The following ADGRF3 variants were observed in gnomAD, a reference collection of about 807,000 sequenced individuals.
ADGRF3 encodes adhesion G protein-coupled receptor F3.
A neutral mutation model predicts 93.2 loss-of-function variants in ADGRF3; 85 were observed. That is an observed-to-expected ratio of 0.91 (90% CI 0.77 to 1.09). ADGRF3 has a LOEUF of 1.09. Ranked by LOEUF, ADGRF3 falls within the 50% of genes least tolerant of loss-of-function variation. The pLI is 0.00. For synonymous variants in ADGRF3, 534 were observed against 532.5 expected (o/e 1.00, Z -0.04); for missense variants, 1,125 against 1,246.2 (o/e 0.90, Z 1.46).
chr2:26,310,084 G>T lies in ADGRF3; in HGVS notation c.2896C>A (p.Arg966Ser), dbSNP rs760101320. The T allele has an allele frequency of 1.2e-6, 2 of 1,613,932 alleles. No homozygotes were observed. Among genetic ancestry groups the T allele is most frequent in the South Asian group, 2.2e-5 (2 of 91,090 alleles). ...DRKIQEALRK[R>S]FCRAQAPSST... is the part of the protein sequence containing the mutation. ...CTGGGGGCTTGGGCGCGGCAGAAGC[G>T]TTTGCGCAAAGCTTCTTGTATCTGC... Residue 966 changes from arginine (R) to serine (S), a missense_variant, in exon 12 of 14, where the codon CGC becomes AGC. Coordinates refer to ENST00000651242, the MANE Select transcript of ADGRF3 (RefSeq NM_001321971.2).
chr2:26,318,193 G>A (rs971203916), intron 1 of ADGRF3: 38 of 999,594 alleles, frequency 3.8e-5, no homozygotes, highest in Non-Finnish European at 5.4e-5. Flanking sequence ...CAGGAAATAT[G>A]GAGGGGCTCA....
At chr2:26,314,247 A>C (rs1334225182) in intron 6 of ADGRF3, among the ~76,000 whole-genome samples, 167 bp downstream of exon 6, 1 of 152,240 alleles carries the variant, frequency 6.6e-6, no homozygotes, top group Non-Finnish European at 1.5e-5. Flanking sequence ...ATGTTATGGC[A>C]ATAGACGTGG....
Position 26,310,919 on chromosome 2 carries a change from T to C in ADGRF3, c.2605A>G (p.Ile869Val), listed in dbSNP as rs756557093. The C allele has an allele frequency of 1.1e-5, 17 of 1,613,078 alleles. No individual in the cohort carries two copies. The highest frequency in any genetic ancestry group is 3.3e-5 in the South Asian group (3 of 90,988). The change falls in exon 10 of 14, where the codon ATA becomes GTA. Residue 869 changes from isoleucine to valine, a missense_variant. By Grantham distance (29) the Ile-to-Val change is conservative. Coordinates refer to ENST00000651242, the MANE Select transcript of ADGRF3 (RefSeq NM_001321971.2). ...YTFVGPVLAI[I>V]GVNGLVLAMA... Reference sequence around the variant, plus strand: ...GCTAGTACCAGCCCATTCACGCCTATGATGGCCAGCACTGGCCCCACGAAG... The same window carrying C: ...GCTAGTACCAGCCCATTCACGCCTACGATGGCCAGCACTGGCCCCACGAAG...
At chr2:26,319,063 A>G in intron 1 of ADGRF3, 1 of 1,545,660 alleles carries the variant, frequency 6.5e-7, no homozygotes. Flanking sequence ...TCAGTGAAGC[A>G]GTCCCTACAA....
intron 1 of ADGRF3, among the ~76,000 whole-genome samples, chr2:26,343,810 AG>A (rs1381668968): frequency 6.6e-6 from 1 of 152,248 alleles, no homozygotes; most frequent in Non-Finnish European, 1.5e-5. Context: ...TTACACAGCC[AG>A]TAACATGTCA....
At chr2:26,334,433 ATTCT>A (rs1003762865) in intron 1 of ADGRF3, among the ~76,000 whole-genome samples, 18 of 151,950 alleles carry the variant, frequency 1.2e-4, no homozygotes, top group African/African-American at 4.1e-4. Context: ...TAATGCCTTC[ATTCT>A]TTATTTCAAA....
At position 26,311,963 on chromosome 2, in the gene ADGRF3, T is replaced by C; in HGVS notation, c.1561A>G (p.Thr521Ala). The change falls in exon 10 of 14, where the codon ACC becomes GCC. Residue 521 changes from threonine to alanine, a missense_variant. Physicochemically the swap from Thr to Ala is moderately conservative, Grantham distance 58 (BLOSUM62 0). Transcript: ENST00000651242. ...TGTGGGCACAGGCTGCATGCCAGGG[T>C]CTCCACAGCCAGCAGGAGAGTCGAG... Reference protein sequence around the residue: ...AGSTLLLAVETLACSLCPQDH... With the variant: ...AGSTLLLAVEALACSLCPQDH... The C allele has an allele frequency of 1.2e-6, 2 of 1,613,086 alleles. No homozygotes were observed. Among genetic ancestry groups the C allele is most frequent in the East Asian group, 2.2e-5 (1 of 44,856 alleles).
At chr2:26,309,802 GA>G in intron 12 of ADGRF3, 2 of 1,058,736 alleles carry the variant, frequency 1.9e-6, no homozygotes, top group Non-Finnish European at 2.7e-6. Flanking sequence ...AGAAACCAGA[GA>G]AAAGAGAGTC....
At position 26,346,398 on chromosome 2, in the gene ADGRF3, G is replaced by A; in HGVS notation, c.-164C>T. 1.5e-6 allele frequency: 2 copies of A among 1,336,098 alleles called. No homozygotes were observed. The highest frequency in any genetic ancestry group is 2.0e-6 in the Non-Finnish European group (2 of 1,020,856). 82.8% of individuals were successfully genotyped at this position (1,336,098 alleles called of 1,614,324 possible). On this transcript the variant is annotated 5_prime_UTR_variant, in exon 1 of 14. Transcript: ENST00000651242. The stretch of plus-strand genomic sequence containing the variant: ...ACCTTGTGCCGCGTGGCTCCGGGCG[G>A]GCTGGCGGGCGTTCCTCCGGAGGTC...
At chr2:26,320,118 G>A (rs1177238444) in intron 1 of ADGRF3, among the ~76,000 whole-genome samples, 2 of 152,116 alleles carry the variant, frequency 1.3e-5, no homozygotes, top group East Asian at 1.9e-4. Flanking sequence ...TCTCAACAAA[G>A]GAAGTTTCTT....
chr2:26,312,323 G>A (rs1295604682), intron 9 of ADGRF3, among the ~76,000 whole-genome samples: 1 of 152,178 alleles, frequency 6.6e-6, no homozygotes, highest in African/African-American at 2.4e-5. Flanking sequence ...CAGCCCCTCT[G>A]CTGAAAACCC....
intron 1 of ADGRF3, among the ~76,000 whole-genome samples, chr2:26,319,573 T>TCCTC (rs1558390905): frequency 1.8e-5 from 1 of 55,000 alleles, no homozygotes; most frequent in East Asian, 9.2e-4. Flanking sequence ...CTCCCTTCCT[T>TCCTC]CCTTCCTTCC....
At chr2:26,343,526 G>T (rs550811293) in intron 1 of ADGRF3, among the ~76,000 whole-genome samples, 2 of 151,684 alleles carry the variant, frequency 1.3e-5, no homozygotes, top group African/African-American at 4.8e-5. Flanking sequence ...TGCAAGCTCC[G>T]CCTCCCGGGT....
intron 1 of ADGRF3, among the ~76,000 whole-genome samples, chr2:26,343,996 A>G (rs1042901177): frequency 6.6e-6 from 1 of 152,264 alleles, no homozygotes; most frequent in African/African-American, 2.4e-5. Flanking sequence ...GAGGTAGAAA[A>G]CAATTTTAAG....
At chr2:26,345,798 A>C (rs1054624912) in intron 1 of ADGRF3, 1 of 369,642 alleles carries the variant, frequency 2.7e-6, no homozygotes, top group African/African-American at 2.1e-5. Context: ...AAGTGCGGAT[A>C]CCACAGAAAT....
In ADGRF3 at chr2:26,311,607, C is replaced by T; in HGVS notation, c.1917G>A (p.Gly639=). The T allele has an allele frequency of 6.2e-7, 1 of 1,613,754 alleles. No homozygotes were observed. The highest frequency in any genetic ancestry group is 8.5e-7 in the Non-Finnish European group (1 of 1,179,894). ...CACAGTGAGGGGAACCATCTGTGTT[C>T]CCAAAGTCCATGATGACCTCTCCCT... ...FSQGEVIMDF[G]NTDGSPHCVF... is the part of the protein sequence containing the mutation. The change falls in exon 10 of 14, where the codon GGG becomes GGA. Residue 639 remains glycine, a synonymous_variant. Coordinates refer to ENST00000651242, the MANE Select transcript of ADGRF3 (RefSeq NM_001321971.2).
chr2:26,323,842 A>G (rs897830766), intron 1 of ADGRF3, among the ~76,000 whole-genome samples: 3 of 151,904 alleles, frequency 2.0e-5, no homozygotes, highest in Non-Finnish European at 4.4e-5. Flanking sequence ...TTGGCCAGGC[A>G]GGTCTCAAAC....
intron 5 of ADGRF3, 143 bp from the exon 6 acceptor site, chr2:26,314,766 TG>T (rs1184441614): frequency 1.6e-5 from 11 of 683,730 alleles, no homozygotes; most frequent in Non-Finnish European, 2.7e-5. Flanking sequence ...GGTCCCAGGA[TG>T]GCCCCTTTGG....
rs200397545 is a variant in ADGRF3 at position 26,346,560 on chromosome 2, A to AT, written c.-327dup. On this transcript the variant is annotated 5_prime_UTR_variant, in exon 1 of 14. An upstream open reading frame in the 5' UTR gains an earlier in-frame stop. Transcript: ENST00000651242. ...CATGGAGCGAGGGAATTCCCTTCCT[A>AT]TTTTTTTTAAACTTATTATTTTCGT... is the stretch of plus-strand genomic sequence containing the variant. The AT allele has an allele frequency of 1.2e-3, 397 of 343,590 alleles. 1 individual carries two copies. The highest frequency in any genetic ancestry group is 8.5e-3 in the Admixed American group (175 of 20,594). 21.3% of individuals were successfully genotyped at this position (343,590 alleles called of 1,614,324 possible).
Sources: allele counts gnomAD v4.1 joint callset (sites outside exome capture counted in the v4.1 genomes callset), GRCh38; gene constraint gnomAD v4.1.1; transcripts MANE v1.5; gene names NCBI Gene and HGNC (gene_info 2026-07-23, HGNC 2026-07-21).